Variants in PAK5 observed in about 807,000 individuals in gnomAD.
PAK5 encodes p21 (RAC1) activated kinase 5.
Under a neutral mutation model 65.9 loss-of-function variants are expected in PAK5, and 16 were observed. The observed-to-expected ratio is 0.24, with a 90% confidence interval of 0.16 to 0.37. PAK5 has a LOEUF of 0.37. Among genes scored for constraint, PAK5 ranks in the 10% least tolerant of loss-of-function variants. PAK5 has a pLI of 1.00. For synonymous variants in PAK5, 371 were observed against 354.9 expected, an observed-to-expected ratio of 1.05 and a Z score of -0.51; for missense variants, 785 against 903.9, an observed-to-expected ratio of 0.87 and a Z score of 1.69.
chr20:9,730,095 C>T (rs2048320744), intron 1 of PAK5, among the ~76,000 whole-genome samples: 1 of 150,194 alleles, frequency 6.7e-6, no homozygotes, highest in Non-Finnish European at 1.5e-5. Context: ...TCATGTTCTC[C>T]TAAAAACAGT....
intron 2 of PAK5, among the ~76,000 whole-genome samples, chr20:9,680,209 C>G (rs1441542534): frequency 6.6e-6 from 1 of 152,184 alleles, no homozygotes; most frequent in East Asian, 1.9e-4. Context: ...AAAGCATAGT[C>G]TCTACCATCA....
intron 3 of PAK5, among the ~76,000 whole-genome samples, chr20:9,612,609 T>C (rs943519508): frequency 1.3e-5 from 2 of 152,088 alleles, no homozygotes; most frequent in African/African-American, 2.4e-5. Context: ...AGACGGTTGG[T>C]GCTAAACCGT....
At chr20:9,557,760 A>G (rs1057504871) in intron 6 of PAK5, 26 bp from the exon 7 acceptor site, 21 of 1,601,864 alleles carry the variant, frequency 1.3e-5, no homozygotes, top group Non-Finnish European at 1.7e-5. Context: ...CATTTAAGGA[A>G]CAAGACAGGT....
intron 1 of PAK5, among the ~76,000 whole-genome samples, chr20:9,837,235 T>C (rs1458928982): frequency 2.6e-5 from 4 of 152,236 alleles, no homozygotes; most frequent in Non-Finnish European, 4.4e-5. Flanking sequence ...CTTGCACATA[T>C]GTATTCCAAG....
intron 2 of PAK5, among the ~76,000 whole-genome samples, chr20:9,678,228 A>G (rs1160359557): frequency 6.6e-6 from 1 of 152,162 alleles, no homozygotes; most frequent in Non-Finnish European, 1.5e-5. Flanking sequence ...ATTAGAGAGA[A>G]CAAGCTTGAA....
At chr20:9,562,664 T>A (rs2045608891) in intron 6 of PAK5, among the ~76,000 whole-genome samples, 1 of 152,192 alleles carries the variant, frequency 6.6e-6, no homozygotes, top group African/African-American at 2.4e-5. Context: ...TTATTTTAAA[T>A]CAATGGGTAT....
intron 1 of PAK5, among the ~76,000 whole-genome samples, chr20:9,794,458 G>T (rs928818040): frequency 2.0e-5 from 3 of 152,100 alleles, no homozygotes; most frequent in African/African-American, 7.2e-5. Flanking sequence ...CAAGGCTAAA[G>T]AATAGAGAGA....
At chr20:9,765,553 C>T (rs773585673) in intron 1 of PAK5, among the ~76,000 whole-genome samples, 1 of 151,934 alleles carries the variant, frequency 6.6e-6, no homozygotes, top group African/African-American at 2.4e-5. Flanking sequence ...GCTGTTTTTG[C>T]AAGGTGGTTG....
At chr20:9,593,054 C>CT (rs2046200166) in intron 3 of PAK5, among the ~76,000 whole-genome samples, 1 of 152,002 alleles carries the variant, frequency 6.6e-6, no homozygotes, top group Admixed American at 6.6e-5. Context: ...TATCCAAGCA[C>CT]TTTGTGTGGC....
chr20:9,807,022 A>T (rs1280992459), intron 1 of PAK5, among the ~76,000 whole-genome samples: 2 of 151,540 alleles, frequency 1.3e-5, no homozygotes, highest in Non-Finnish European at 2.9e-5. Context: ...AGAGCACATC[A>T]CTCCAACCTC....
intron 3 of PAK5, among the ~76,000 whole-genome samples, chr20:9,625,164 C>G (rs1273990128): frequency 6.6e-6 from 1 of 152,164 alleles, no homozygotes; most frequent in Non-Finnish European, 1.5e-5. Flanking sequence ...TCCATCACCT[C>G]CAAACCACTT....
At chr20:9,748,572 A>T (rs2048536249) in intron 1 of PAK5, among the ~76,000 whole-genome samples, 1 of 152,216 alleles carries the variant, frequency 6.6e-6, no homozygotes, top group Admixed American at 6.5e-5. Flanking sequence ...CTAACTTTTT[A>T]AAAATGTACT....
chr20:9,701,690 T>C (rs958008572), intron 2 of PAK5, among the ~76,000 whole-genome samples: 1 of 152,142 alleles, frequency 6.6e-6, no homozygotes, highest in Non-Finnish European at 1.5e-5. Context: ...ATATCCTGGA[T>C]ACATTTATAA....
intron 1 of PAK5, among the ~76,000 whole-genome samples, chr20:9,743,509 T>G (rs1433714575): frequency 2.0e-5 from 3 of 152,030 alleles, no homozygotes; most frequent in East Asian, 3.9e-4. Flanking sequence ...TCTTAGGTAA[T>G]GCCTGTCAGT....
At chr20:9,649,915 TA>T (rs925870672) in intron 2 of PAK5, among the ~76,000 whole-genome samples, 23 of 151,060 alleles carry the variant, frequency 1.5e-4, no homozygotes, top group South Asian at 6.3e-4. Context: ...CTACAGGAGT[TA>T]AAAAAAAATG....
chr20:9,557,961 AT>A (rs2045534350), intron 6 of PAK5, among the ~76,000 whole-genome samples: 2 of 152,072 alleles, frequency 1.3e-5, no homozygotes, highest in Non-Finnish European at 2.9e-5. Flanking sequence ...AGAGATCACT[AT>A]TTGTCAGCTT....
intron 1 of PAK5, among the ~76,000 whole-genome samples, chr20:9,716,996 G>C (rs1392626230): frequency 6.6e-6 from 1 of 151,706 alleles, no homozygotes; most frequent in Non-Finnish European, 1.5e-5. Flanking sequence ...GGGGTATGGG[G>C]ATGGCTTGAA....
intron 1 of PAK5, among the ~76,000 whole-genome samples, chr20:9,799,258 T>C (rs1479284467): frequency 1.3e-5 from 2 of 152,194 alleles, no homozygotes; most frequent in African/African-American, 4.8e-5. Context: ...AGGCCCACTG[T>C]AATGTATGCT....
At chr20:9,775,632 T>C (rs1177176695) in intron 1 of PAK5, among the ~76,000 whole-genome samples, 1 of 152,248 alleles carries the variant, frequency 6.6e-6, no homozygotes, top group Non-Finnish European at 1.5e-5. Flanking sequence ...AATGTATTAA[T>C]GCACCTTAAC....
Sources: gnomAD v4.1 joint callset for allele counts (sites outside exome capture counted in the v4.1 genomes callset) on GRCh38, gnomAD v4.1.1 for gene constraint, MANE v1.5 for transcripts, NCBI Gene and HGNC (gene_info 2026-07-23, HGNC 2026-07-21) for gene names.